Variants in CNNM1 observed in about 807,000 individuals in gnomAD.
CNNM1 encodes metal transporter CNNM1.
A neutral mutation model predicts 78.8 loss-of-function variants in CNNM1; 44 were observed. The ratio of observed to expected loss-of-function variants is 0.56; its 90% CI spans 0.44 to 0.72. CNNM1 has a LOEUF of 0.72. Among genes scored for constraint, CNNM1 ranks in the 30% least tolerant of loss-of-function variants. CNNM1 has a pLI of 0.00. For missense variants in CNNM1, 1,101 were observed against 1,292.2 expected, an observed-to-expected ratio of 0.85 and a Z score of 2.27; for synonymous variants, 584 against 581.5, an observed-to-expected ratio of 1.00 and a Z score of -0.06.
rs1456007680 is a variant in CNNM1, at chr10:99,388,139, C to T, written c.2525-13C>T. On this transcript the variant is annotated splice_polypyrimidine_tract_variant and intron_variant, in intron 8 of 10. Transcript: ENST00000356713. ...CCAAAGCAGAGAGGTGATGCACTCA[C>T]TGTCCTCCCCAGGCAGCCGCTCAGA... 6.2e-7 allele frequency: 1 copy of T among 1,613,574 alleles called. No individual in the cohort carries two copies. The highest frequency in any genetic ancestry group is 1.1e-5 in the South Asian group (1 of 91,070).
chr10:99,358,684 T>C (rs1404009600), intron 2 of CNNM1, among the ~76,000 whole-genome samples: 63 of 152,158 alleles, frequency 4.1e-4, no homozygotes, highest in Admixed American at 4.1e-3. Context: ...TCCAAGAGCC[T>C]GGGCACTGCT....
intron 6 of CNNM1, among the ~76,000 whole-genome samples, chr10:99,370,022 A>G (rs1482773526): frequency 6.6e-6 from 1 of 152,176 alleles, no homozygotes; most frequent in African/African-American, 2.4e-5. Flanking sequence ...TTTTTAATTA[A>G]CCTTCAGTTA....
chr10:99,377,827 A>G (rs913774386), intron 7 of CNNM1, among the ~76,000 whole-genome samples: 6 of 152,212 alleles, frequency 3.9e-5, no homozygotes, highest in Non-Finnish European at 7.3e-5. Flanking sequence ...GCAATTGCCC[A>G]GGAGAGAGGT....
chr10:99,377,581 T>C (rs979349578), intron 7 of CNNM1, among the ~76,000 whole-genome samples: 1 of 152,236 alleles, frequency 6.6e-6, no homozygotes, highest in Non-Finnish European at 1.5e-5. Context: ...ATAAGATTTT[T>C]CTAAGATAAG....
At chr10:99,360,691 C>A in intron 2 of CNNM1, 144 bp from the exon 3 acceptor site, 2 of 1,051,846 alleles carry the variant, frequency 1.9e-6, no homozygotes, top group South Asian at 1.8e-5. Context: ...TCACCAACAT[C>A]CTTCTACTTC....
At chr10:99,383,168 C>G (rs1353725122) in intron 7 of CNNM1, among the ~76,000 whole-genome samples, 2 of 152,090 alleles carry the variant, frequency 1.3e-5, no homozygotes, top group Non-Finnish European at 2.9e-5. Flanking sequence ...AGATTAAGAC[C>G]AGTTAGAGAG....
intron 1 of CNNM1, among the ~76,000 whole-genome samples, chr10:99,350,826 C>T (rs1202689196): frequency 2.6e-5 from 4 of 151,558 alleles, no homozygotes; most frequent in Non-Finnish European, 4.4e-5. Flanking sequence ...CCAGGGCTTT[C>T]GACCTCAATA....
intron 1 of CNNM1, among the ~76,000 whole-genome samples, chr10:99,333,084 C>A (rs2029991306): frequency 1.3e-5 from 2 of 152,142 alleles, no homozygotes; most frequent in African/African-American, 2.4e-5. Flanking sequence ...CAGTCACCAC[C>A]TTCTAACTGT....
Position 99,330,509 on chromosome 10 carries a change from C to T in CNNM1, c.1122C>T (p.Tyr374=), listed in dbSNP as rs1850590433. Residue 374 remains tyrosine (Y), a synonymous_variant, in exon 1 of 11, where the codon TAC becomes TAT. Transcript: ENST00000356713. ...TGGCAGCCGCCTTCCCCGTGTGCTA[C>T]CCGCTGGGCCGCCTGCTGGACTGGG... ...LLMAAAFPVC[Y]PLGRLLDWAL... is the part of the protein sequence containing the mutation. 3 of 1,585,322 alleles carry T rather than the reference C, an allele frequency of 1.9e-6. No homozygotes were observed. Among genetic ancestry groups the T allele is most frequent in the South Asian group, 1.1e-5 (1 of 87,276 alleles).
chr10:99,376,122 T>G (rs954767588), intron 6 of CNNM1, among the ~76,000 whole-genome samples: 3 of 152,200 alleles, frequency 2.0e-5, no homozygotes, highest in African/African-American at 7.2e-5. Flanking sequence ...GACCCACACT[T>G]TGGCCCTTCT....
chr10:99,368,660 A>T, intron 6 of CNNM1: 1 of 1,287,956 alleles, frequency 7.8e-7, no homozygotes, highest in Non-Finnish European at 1.0e-6. Context: ...AGCAGAGGGG[A>T]CTCTCTGGCA....
At chr10:99,337,429 C>G (rs76326131) in intron 1 of CNNM1, among the ~76,000 whole-genome samples, 2,355 of 152,326 alleles carry the variant, frequency 0.015, 32 homozygotes, top group Middle Eastern at 0.034. Flanking sequence ...CAATGCTGAA[C>G]TCTGTGGTGC....
At chr10:99,357,211 ATATAT>A (rs1350892629) in intron 1 of CNNM1, among the ~76,000 whole-genome samples, 3 of 152,224 alleles carry the variant, frequency 2.0e-5, no homozygotes, top group African/African-American at 4.8e-5. Flanking sequence ...TTCAATTAGT[ATATAT>A]TATATCAGCT....
At chr10:99,378,371 T>A (rs1000140994) in intron 7 of CNNM1, among the ~76,000 whole-genome samples, 1 of 152,266 alleles carries the variant, frequency 6.6e-6, no homozygotes, top group African/African-American at 2.4e-5. Flanking sequence ...ACTTGGTAGC[T>A]GTTGCACAGT....
intron 7 of CNNM1, among the ~76,000 whole-genome samples, chr10:99,381,950 C>A (rs959854757): frequency 6.6e-6 from 1 of 151,678 alleles, no homozygotes; most frequent in Non-Finnish European, 1.5e-5. Context: ...GTGTTAGGGA[C>A]GTTATTTAGG....
intron 6 of CNNM1, among the ~76,000 whole-genome samples, chr10:99,372,473 G>C (rs2031833503): frequency 6.6e-6 from 1 of 152,156 alleles, no homozygotes; most frequent in Non-Finnish European, 1.5e-5. Flanking sequence ...CAGGTCCCGG[G>C]TTGGTGTCAC....
chr10:99,348,052 T>A (rs4997505), intron 1 of CNNM1, among the ~76,000 whole-genome samples: 2,613 of 96,280 alleles, frequency 0.027, 46 homozygotes, highest in East Asian at 0.13. Context: ...ATATATATAT[T>A]TTTTTTTTTT....
At chr10:99,363,352 T>C (rs1406596556) in intron 4 of CNNM1, among the ~76,000 whole-genome samples, 1 of 152,256 alleles carries the variant, frequency 6.6e-6, no homozygotes, top group Non-Finnish European at 1.5e-5. Flanking sequence ...ACAAGAATCC[T>C]GTTACATTGT....
chr10:99,366,990 G>C (rs569442908), intron 6 of CNNM1, among the ~76,000 whole-genome samples: 1 of 152,270 alleles, frequency 6.6e-6, no homozygotes, highest in South Asian at 2.1e-4. Flanking sequence ...GAGCATCTCT[G>C]TAAATCTTCA....
Sources: gnomAD v4.1 joint callset for allele counts (sites outside exome capture counted in the v4.1 genomes callset) on GRCh38, gnomAD v4.1.1 for gene constraint, MANE v1.5 for transcripts, NCBI Gene and HGNC (gene_info 2026-07-23, HGNC 2026-07-21) for gene names.